The following UNC5C variants were observed in gnomAD, a reference collection of about 807,000 sequenced individuals.
UNC5C encodes the protein netrin receptor UNC5C.
A neutral mutation model predicts 99.8 loss-of-function variants in UNC5C; 47 were observed. That is an observed-to-expected ratio of 0.47 (90% CI 0.37 to 0.60). UNC5C has a LOEUF of 0.60. UNC5C is among the 20% of genes least tolerant of loss of function. The pLI, the probability that UNC5C is intolerant of heterozygous loss-of-function variation, is 0.00. For synonymous variants in UNC5C, 487 were observed against 452.2 expected, an observed-to-expected ratio of 1.08 and a Z score of -0.98; for missense variants, 1,062 against 1,165.9, an observed-to-expected ratio of 0.91 and a Z score of 1.30.
At chr4:95,249,438 A>G (rs1739614083) in intron 5 of UNC5C, among the ~76,000 whole-genome samples, 1 of 152,196 alleles carries the variant, frequency 6.6e-6, no homozygotes, top group Non-Finnish European at 1.5e-5. Flanking sequence ...AGGTAGCATA[A>G]CCTCTAAATA....
At chr4:95,447,676 T>A (rs1747146644) in intron 1 of UNC5C, among the ~76,000 whole-genome samples, 1 of 152,068 alleles carries the variant, frequency 6.6e-6, no homozygotes, top group African/African-American at 2.4e-5. Context: ...AACTTTTGTA[T>A]TTTTAGTAGA....
chr4:95,259,410 C>T (rs1740136848), intron 4 of UNC5C, among the ~76,000 whole-genome samples: 1 of 152,144 alleles, frequency 6.6e-6, no homozygotes, highest in African/African-American at 2.4e-5. Context: ...TGGTGTTAAT[C>T]TAAAAACTAG....
At chr4:95,185,298 C>A (rs545168780) in intron 12 of UNC5C, 102 bp from the exon 13 acceptor site, 5 of 1,427,062 alleles carry the variant, frequency 3.5e-6, no homozygotes, top group Admixed American at 4.7e-5. Context: ...GAATGGCAGG[C>A]GGAACTTGTG....
chr4:95,306,971 T>C (rs1742083389), intron 2 of UNC5C, among the ~76,000 whole-genome samples: 1 of 152,222 alleles, frequency 6.6e-6, no homozygotes, highest in Non-Finnish European at 1.5e-5. Flanking sequence ...TTACTAGTAT[T>C]ATTTAAAATA....
At chr4:95,367,013 C>A (rs1471236877) in intron 1 of UNC5C, among the ~76,000 whole-genome samples, 1 of 152,072 alleles carries the variant, frequency 6.6e-6, no homozygotes, top group Non-Finnish European at 1.5e-5. Context: ...AAACCCTTCA[C>A]AAACCTGTAT....
At chr4:95,448,200 CTGTG>C (rs1190287531) in intron 1 of UNC5C, among the ~76,000 whole-genome samples, 19 of 116,044 alleles carry the variant, frequency 1.6e-4, no homozygotes, top group African/African-American at 5.0e-4. Context: ...GTGTGTGTCT[CTGTG>C]TGTGTGTGTG....
intron 1 of UNC5C, among the ~76,000 whole-genome samples, chr4:95,465,879 T>C (rs1747759520): frequency 6.6e-6 from 1 of 152,184 alleles, no homozygotes; most frequent in Non-Finnish European, 1.5e-5. Context: ...GAACATGTTT[T>C]CTATCTTCAC....
At chr4:95,367,636 A>C (rs541431470) in intron 1 of UNC5C, among the ~76,000 whole-genome samples, 82 of 152,120 alleles carry the variant, frequency 5.4e-4, no homozygotes, top group Non-Finnish European at 9.1e-4. Context: ...AGACAACTGG[A>C]CTATAAGAAT....
At chr4:95,478,148 T>C (rs1253925234) in intron 1 of UNC5C, among the ~76,000 whole-genome samples, 3 of 151,972 alleles carry the variant, frequency 2.0e-5, no homozygotes, top group South Asian at 2.1e-4. Flanking sequence ...CCACTCTTAA[T>C]TGACAATCTC....
chr4:95,530,338 A>C (rs1722609387), intron 1 of UNC5C, among the ~76,000 whole-genome samples: 1 of 152,226 alleles, frequency 6.6e-6, no homozygotes, highest in Non-Finnish European at 1.5e-5. Flanking sequence ...CTGGTAATGA[A>C]TGGGGTCATA....
At chr4:95,490,874 G>A (rs3857208) in intron 1 of UNC5C, among the ~76,000 whole-genome samples, 20,605 of 151,562 alleles carry the variant, frequency 0.14, 1,958 homozygotes, top group African/African-American at 0.27. Flanking sequence ...GGCAGGTCTC[G>A]TTTCATTGTA....
chr4:95,185,993 A>C (rs969775124), intron 12 of UNC5C, among the ~76,000 whole-genome samples: 3 of 152,280 alleles, frequency 2.0e-5, no homozygotes, highest in Middle Eastern at 3.4e-3. Flanking sequence ...ATAAAGACAG[A>C]TTCTATATAT....
chr4:95,511,671 C>T (rs1284641814), intron 1 of UNC5C, among the ~76,000 whole-genome samples: 1 of 152,090 alleles, frequency 6.6e-6, no homozygotes, highest in Non-Finnish European at 1.5e-5. Flanking sequence ...CTCAACGCAG[C>T]TTTCATTTTA....
chr4:95,350,928 A>C (rs554329178), intron 1 of UNC5C, among the ~76,000 whole-genome samples: 1 of 152,232 alleles, frequency 6.6e-6, no homozygotes, highest in South Asian at 2.1e-4. Flanking sequence ...ATTCTAGATA[A>C]TCTGGATGTG....
intron 1 of UNC5C, among the ~76,000 whole-genome samples, chr4:95,418,045 C>T (rs555275530): frequency 4.0e-4 from 61 of 152,218 alleles, no homozygotes; most frequent in African/African-American, 1.4e-3. Context: ...TATGGTGACT[C>T]CTTCTTCCAT....
At chr4:95,328,788 G>T (rs1743002304) in intron 2 of UNC5C, among the ~76,000 whole-genome samples, 1 of 152,032 alleles carries the variant, frequency 6.6e-6, no homozygotes, top group Admixed American at 6.5e-5. Context: ...TCTCATAGTG[G>T]TTTTGATTTA....
In UNC5C at chr4:95,242,471, C is replaced by T. The variant is rs371874775; in HGVS notation, c.1066G>A (p.Val356Ile). ...KNGGKDCDGL[V>I]LQSKNCTDGL... ...TCAGTGCAGTTCTTGGATTGCAAGA[C>T]GAGGCCGTCGCAGTCCTTGCCTCCA... Residue 356 changes from valine to isoleucine, a missense_variant, in exon 7 of 16, where the codon GTC becomes ATC. Val to Ile is a conservative substitution (Grantham distance 29). Coordinates refer to ENST00000453304, the MANE Select transcript of UNC5C (RefSeq NM_003728.4). 2.2e-5 allele frequency: 36 copies of T among 1,613,966 alleles called. No homozygotes were observed. In the East Asian group the frequency reaches 4.7e-4, roughly 21 times the overall value.
chr4:95,179,746 C>A (rs375050140), intron 14 of UNC5C, among the ~76,000 whole-genome samples: 905 of 97,892 alleles, frequency 9.2e-3, no homozygotes, highest in East Asian at 0.027. Flanking sequence ...GACTCCTTCT[C>A]AAAAAAAAAA....
rs535786634 is a variant in UNC5C, at chr4:95,182,456, C to T, written c.2451+441G>A. ...GAAGCCCCTCTCCTTTCTTCCACTC[C>T]ACCCAGCAGCAGGTGATTAGGGGAA... On this transcript the variant is annotated intron_variant, in intron 14 of 15. Transcript: ENST00000453304. 6.8e-4 allele frequency among the ~76,000 whole-genome samples: 104 copies of T among 152,126 alleles called. No individual in the cohort carries two copies. In the Middle Eastern group the frequency reaches 0.017, roughly 25 times the overall value.
Sources: allele counts gnomAD v4.1 joint callset (sites outside exome capture counted in the v4.1 genomes callset), GRCh38; gene constraint gnomAD v4.1.1; transcripts MANE v1.5; gene names NCBI Gene and HGNC (gene_info 2026-07-23, HGNC 2026-07-21).